Variants in C12orf76 observed in about 807,000 individuals in gnomAD.
C12orf76 encodes the protein chromosome 12 open reading frame 76.
C12orf76 carries 6 observed loss-of-function variants against 6.8 expected under a neutral mutation model. The ratio of observed to expected loss-of-function variants is 0.88; its 90% CI spans 0.48 to 1.73. The LOEUF (loss-of-function observed/expected upper bound fraction) is 1.73. C12orf76 is among the 40% of genes most tolerant of loss of function. The probability of loss-of-function intolerance (pLI) is 0.01; values close to 1 mark genes in which losing one functional copy is unlikely to be tolerated. For missense variants in C12orf76, 99 were observed against 98.2 expected (o/e 1.01, Z -0.03); for synonymous variants, 56 against 43.7 (o/e 1.28, Z -1.11).
intron 2 of C12orf76, among the ~76,000 whole-genome samples, chr12:110,065,025 T>C (rs965615028): frequency 1.3e-5 from 2 of 152,168 alleles, no homozygotes; most frequent in Non-Finnish European, 1.5e-5. Context: ...TTGGGTGTTT[T>C]GGTGTTAGAC....
At chr12:110,069,238 T>C (rs1209841927), upstream of C12orf76, among the ~76,000 whole-genome samples, 5 of 152,134 alleles carry the variant, frequency 3.3e-5, no homozygotes, top group Non-Finnish European at 2.9e-5. Context: ...CAGGAGATCG[T>C]GACCATCCTG....
intron 3 of C12orf76, among the ~76,000 whole-genome samples, chr12:110,058,614 G>A (rs193179003): frequency 1.5e-3 from 229 of 152,162 alleles, no homozygotes; most frequent in African/African-American, 4.1e-3. Flanking sequence ...GCAGTGAGCC[G>A]AGATCATGCC....
chr12:110,068,243 G>GA (rs1566079951), upstream of C12orf76, among the ~76,000 whole-genome samples: 7 of 132,954 alleles, frequency 5.3e-5, no homozygotes, highest in African/African-American at 2.1e-4. Context: ...AGAAGAAGAA[G>GA]AAGAAAGAAG....
chr12:110,052,541 T>C (rs1892598792), upstream of C12orf76, among the ~76,000 whole-genome samples: 1 of 152,220 alleles, frequency 6.6e-6, no homozygotes, highest in East Asian at 1.9e-4. Context: ...CCAAGTGCTC[T>C]ACATGCAACA....
chr12:110,071,597 C>A (rs576774213), upstream of C12orf76, among the ~76,000 whole-genome samples: 8 of 151,954 alleles, frequency 5.3e-5, no homozygotes, highest in South Asian at 1.5e-3. Context: ...GAAGACACAG[C>A]CAGTATTATA....
chr12:110,050,116 A>C (rs1892551495), upstream of C12orf76: 1 of 152,168 alleles, frequency 6.6e-6, no homozygotes, highest in African/African-American at 2.4e-5. Context: ...CTGCTACAAG[A>C]CTAGAAGAGT....
At chr12:110,065,252 C>T (rs1892838929) in intron 2 of C12orf76, among the ~76,000 whole-genome samples, 1 of 151,448 alleles carries the variant, frequency 6.6e-6, no homozygotes, top group African/African-American at 2.4e-5. Flanking sequence ...CTCGCTGCAA[C>T]CTCCGCCTCC....
At chr12:110,055,831 G>A (rs1256918159) in intron 4 of C12orf76, among the ~76,000 whole-genome samples, 2 of 152,160 alleles carry the variant, frequency 1.3e-5, no homozygotes, top group Non-Finnish European at 2.9e-5. Context: ...AAGATCAGAT[G>A]AGTCAGTTTA....
upstream of C12orf76, among the ~76,000 whole-genome samples, chr12:110,070,892 A>G (rs922892986): frequency 6.6e-6 from 1 of 152,154 alleles, no homozygotes; most frequent in Non-Finnish European, 1.5e-5. Flanking sequence ...CTTGTGCCTC[A>G]GCTTACCGAG....
upstream of C12orf76, chr12:110,050,102 C>T (rs1195152721): frequency 6.6e-6 from 1 of 152,104 alleles, no homozygotes; most frequent in Non-Finnish European, 1.5e-5. Context: ...GTCTGCGGCT[C>T]GTCCTGCTAC....
chr12:110,061,726 T>C (rs7963707), intron 2 of C12orf76, among the ~76,000 whole-genome samples: 125,864 of 151,346 alleles, frequency 0.83, 52,892 homozygotes, highest in African/African-American at 0.95. Flanking sequence ...TTAGTAGAGA[T>C]GGGGTTTCAC....
At chr12:110,066,453 C>T (rs1171074071) in intron 1 of C12orf76, among the ~76,000 whole-genome samples, 4 of 145,330 alleles carry the variant, frequency 2.8e-5, no homozygotes, top group African/African-American at 7.7e-5. Context: ...TTTGGGAGGC[C>T]GAGGCCAGCA....
chr12:110,066,004 T>G, exon 2 of C12orf76: 2 of 1,607,100 alleles, frequency 1.2e-6, no homozygotes, highest in Admixed American at 3.4e-5. Flanking sequence ...TCTCTGACCT[T>G]CTGACCTCCC....
chr12:110,042,497 C>T (rs1331482775), intron 1 of C12orf76, 38 bp from the exon 2 acceptor site: 1 of 1,368,594 alleles, frequency 7.3e-7, no homozygotes, highest in Admixed American at 1.7e-5. Flanking sequence ...AATGGCAGCT[C>T]CAGGTTAGGC....
At chr12:110,067,466 G>T in intron 1 of C12orf76, 2 of 985,400 alleles carry the variant, frequency 2.0e-6, no homozygotes, top group Non-Finnish European at 2.4e-6. Context: ...CCTTGTAACA[G>T]ATCACTGTAT....
At position 110,042,315 on chromosome 12, in the gene C12orf76, C is replaced by A. The variant is rs780281581; in HGVS notation, c.*59G>T. Reference sequence around the variant, plus strand: ...GTTTTGGTTCCAACTTCTCCACTGGCCTGTGTGCAACACAACTTATCCTAT... The same window carrying A: ...GTTTTGGTTCCAACTTCTCCACTGGACTGTGTGCAACACAACTTATCCTAT... On this transcript the variant is annotated 3_prime_UTR_variant, in exon 2 of 2. Coordinates refer to ENST00000615315, the MANE Select transcript of C12orf76 (RefSeq NM_001389625.1). 1.4e-6 allele frequency: 2 copies of A among 1,411,578 alleles called. No homozygotes were observed. Among genetic ancestry groups the A allele is most frequent in the East Asian group, 4.6e-5 (2 of 43,678 alleles). The allele number at this position is 1,411,578 out of a possible 1,614,324, so 87.4% of individuals were successfully genotyped here.
exon 4 of C12orf76, chr12:110,057,202 G>C: frequency 1.9e-6 from 3 of 1,612,712 alleles, no homozygotes; most frequent in Non-Finnish European, 2.5e-6. Flanking sequence ...GGCATTGCAG[G>C]TAGGATGGGC....
At chr12:110,072,948 C>CA (rs199763898) in intron 1 of C12orf76, among the ~76,000 whole-genome samples, 10,098 of 100,220 alleles carry the variant, frequency 0.1, 576 homozygotes, top group African/African-American at 0.21. Flanking sequence ...GACTTCATCT[C>CA]AAAAAAAAAA....
At chr12:110,059,807 A>G (rs1892739628) in intron 2 of C12orf76, among the ~76,000 whole-genome samples, 1 of 152,132 alleles carries the variant, frequency 6.6e-6, no homozygotes, top group Admixed American at 6.6e-5. Flanking sequence ...AGAAGAGGAG[A>G]GACATAGTAG....
Sources: gnomAD v4.1 joint callset for allele counts (sites outside exome capture counted in the v4.1 genomes callset) on GRCh38, gnomAD v4.1.1 for gene constraint, MANE v1.5 for transcripts, NCBI Gene and HGNC (gene_info 2026-07-23, HGNC 2026-07-21) for gene names.